The following CTNNA1 variants were observed in gnomAD, a reference collection of about 807,000 sequenced individuals.
CTNNA1 encodes the protein catenin alpha-1.
Under a neutral mutation model 98.4 loss-of-function variants are expected in CTNNA1, and 37 were observed. That is an observed-to-expected ratio of 0.38 (90% CI 0.29 to 0.49). The LOEUF (loss-of-function observed/expected upper bound fraction) is 0.49. Among genes scored for constraint, CTNNA1 ranks in the 20% least tolerant of loss-of-function variants. The pLI is 0.95. For missense variants in CTNNA1, 761 were observed against 1,147.2 expected (o/e 0.66, Z 4.86); for synonymous variants, 404 against 413.2 (o/e 0.98, Z 0.27).
intron 5 of CTNNA1, among the ~76,000 whole-genome samples, chr5:138,818,819 G>A (rs1402205089): frequency 6.6e-6 from 1 of 152,166 alleles, no homozygotes; most frequent in Admixed American, 6.5e-5. Flanking sequence ...CTGTGGCACT[G>A]GGTTCCAGGT....
rs181629973 is a variant in CTNNA1 at position 138,773,257 on chromosome 5, G to A, written c.-2-8666G>A. Among the ~76,000 whole-genome samples the A allele has an allele frequency of 1.3e-3, 199 of 152,272 alleles. 1 individual carries two copies. The highest frequency in any genetic ancestry group is 2.3e-3 in the Non-Finnish European group (155 of 68,018). On this transcript the variant is annotated intron_variant, in intron 1 of 17. Transcript: ENST00000302763. ...GCATAAATAAGTAAACAAAGAAGAC[G>A]ATACGAGCTAAAATAAAATTAAGCA...
chr5:138,788,004 C>G (rs944090326), intron 3 of CTNNA1, among the ~76,000 whole-genome samples: 2 of 152,198 alleles, frequency 1.3e-5, no homozygotes, highest in African/African-American at 4.8e-5. Flanking sequence ...TACTACTAAT[C>G]TGCTTCGTTT....
chr5:138,797,196 A>G (rs1026260232), intron 3 of CTNNA1, among the ~76,000 whole-genome samples: 2 of 152,216 alleles, frequency 1.3e-5, no homozygotes, highest in Admixed American at 1.3e-4. Flanking sequence ...TCATACACAC[A>G]AACTAAAGAT....
intron 6 of CTNNA1, among the ~76,000 whole-genome samples, chr5:138,825,269 A>T (rs1760538889): frequency 6.6e-6 from 1 of 152,160 alleles, no homozygotes; most frequent in African/African-American, 2.4e-5. Flanking sequence ...CTTTTCAGTG[A>T]CTAAATTGGA....
chr5:138,794,627 A>G (rs774406152), intron 3 of CTNNA1, among the ~76,000 whole-genome samples: 4 of 152,228 alleles, frequency 2.6e-5, no homozygotes, highest in Non-Finnish European at 5.9e-5. Flanking sequence ...GAAGTCTATT[A>G]TTCTTTGCAT....
At chr5:138,869,976 C>T (rs369906942) in intron 7 of CTNNA1, 2 of 152,656 alleles carry the variant, frequency 1.3e-5, no homozygotes, top group African/African-American at 4.8e-5. Context: ...TGAATATAAA[C>T]GATTTCAAAC....
At chr5:138,819,861 G>C (rs538849406) in intron 5 of CTNNA1, among the ~76,000 whole-genome samples, 1 of 143,286 alleles carries the variant, frequency 7.0e-6, no homozygotes, top group South Asian at 2.4e-4. Flanking sequence ...CGGGGGGCGG[G>C]GGGGTGAGTG....
chr5:138,932,470 G>GGA (rs1214903229), intron 16 of CTNNA1, 108 bp from the exon 17 acceptor site: 2 of 1,502,546 alleles, frequency 1.3e-6, no homozygotes, highest in African/African-American at 2.8e-5. Context: ...TCCAGCAAGA[G>GGA]GAGAGGAAGC....
chr5:138,868,675 T>C (rs1765040113), intron 7 of CTNNA1, among the ~76,000 whole-genome samples: 1 of 152,216 alleles, frequency 6.6e-6, no homozygotes, highest in Non-Finnish European at 1.5e-5. Flanking sequence ...TCTTACTGCA[T>C]GACAGCTTTT....
At chr5:138,776,778 G>A (rs1341623966) in intron 1 of CTNNA1, among the ~76,000 whole-genome samples, 3 of 149,258 alleles carry the variant, frequency 2.0e-5, no homozygotes, top group Non-Finnish European at 4.5e-5. Flanking sequence ...CCTCCCGGAC[G>A]GGGCGGCTGG....
At chr5:138,846,046 C>T (rs192275192) in intron 7 of CTNNA1, among the ~76,000 whole-genome samples, 39 of 152,288 alleles carry the variant, frequency 2.6e-4, no homozygotes, top group Admixed American at 7.8e-4. Flanking sequence ...CCTGCCTCAG[C>T]CTCCCAAGTA....
chr5:138,759,654 T>G (rs1752094625), intron 1 of CTNNA1, among the ~76,000 whole-genome samples: 2 of 152,160 alleles, frequency 1.3e-5, no homozygotes, highest in African/African-American at 4.8e-5. Context: ...TACGGATCCC[T>G]AATATTTGGA....
intron 3 of CTNNA1, among the ~76,000 whole-genome samples, chr5:138,790,354 C>A (rs1255058331): frequency 6.6e-6 from 1 of 152,166 alleles, no homozygotes; most frequent in African/African-American, 2.4e-5. Flanking sequence ...CTGCTAAGAA[C>A]CTGTGTTCTT....
At chr5:138,823,765 G>T (rs566077169) in intron 5 of CTNNA1, among the ~76,000 whole-genome samples, 1 of 151,494 alleles carries the variant, frequency 6.6e-6, no homozygotes, top group South Asian at 2.1e-4. Flanking sequence ...AGGCCATCCC[G>T]GCTAAAACGG....
Position 138,934,379 on chromosome 5 carries a change from G to A in CTNNA1, c.*290G>A, listed in dbSNP as rs188133933. 97 of 343,826 alleles carry A rather than the reference G, an allele frequency of 2.8e-4. No homozygotes were observed. The highest frequency in any genetic ancestry group is 4.8e-4 in the Non-Finnish European group (91 of 189,320). 21.3% of individuals were successfully genotyped at this position (343,826 alleles called of 1,614,324 possible). Reference sequence around the variant, plus strand: ...AGCTTGTTAGTAATGCTCTGACCAAGCCGAGATGCCCATTCTCTTAGTGAT... The same window carrying A: ...AGCTTGTTAGTAATGCTCTGACCAAACCGAGATGCCCATTCTCTTAGTGAT... On this transcript the variant is annotated 3_prime_UTR_variant, in exon 18 of 18. Coordinates refer to ENST00000302763, the MANE Select transcript of CTNNA1 (RefSeq NM_001903.5).
intron 5 of CTNNA1, among the ~76,000 whole-genome samples, chr5:138,824,050 A>G (rs1042328538): frequency 6.6e-6 from 1 of 151,220 alleles, no homozygotes; most frequent in Non-Finnish European, 1.5e-5. Flanking sequence ...GTATCTCTTC[A>G]TGATCTTTCT....
At chr5:138,779,110 C>T (rs1176322047) in intron 1 of CTNNA1, among the ~76,000 whole-genome samples, 1 of 152,096 alleles carries the variant, frequency 6.6e-6, no homozygotes. Flanking sequence ...AACTCCTGAC[C>T]TCAGGTGATC....
At chr5:138,857,261 G>T (rs1467546243) in intron 7 of CTNNA1, among the ~76,000 whole-genome samples, 1 of 152,128 alleles carries the variant, frequency 6.6e-6, no homozygotes, top group African/African-American at 2.4e-5. Flanking sequence ...AATCTGGAGT[G>T]ACTGCTCTTG....
chr5:138,772,599 G>A (rs1279107755), intron 1 of CTNNA1, among the ~76,000 whole-genome samples: 1 of 152,148 alleles, frequency 6.6e-6, no homozygotes. Flanking sequence ...AATACTATCT[G>A]CCCTGCATAA....
Sources: gnomAD v4.1 joint callset for allele counts (sites outside exome capture counted in the v4.1 genomes callset) on GRCh38, gnomAD v4.1.1 for gene constraint, MANE v1.5 for transcripts, NCBI Gene and HGNC (gene_info 2026-07-23, HGNC 2026-07-21) for gene names.